CYP4Z1: variants seen among roughly 807,000 people sequenced by gnomAD.
The protein encoded by CYP4Z1 is cytochrome P450 4Z1.
CYP4Z1 carries 41 observed loss-of-function variants against 54.2 expected under a neutral mutation model. The observed-to-expected ratio is 0.76, with a 90% CI of 0.59 to 0.98. The LOEUF (loss-of-function observed/expected upper bound fraction) is 0.98, where lower values mean the gene tolerates loss of function less well. Among genes scored for constraint, CYP4Z1 ranks in the 50% least tolerant of loss-of-function variants. The pLI, the probability that CYP4Z1 is intolerant of heterozygous loss-of-function variation, is 0.00. For synonymous variants in CYP4Z1, 163 were observed against 206.2 expected (o/e 0.79, Z 1.79); for missense variants, 513 against 599.0 (o/e 0.86, Z 1.50).
At chr1:47,110,482 G>A (rs11211453) in intron 9 of CYP4Z1, among the ~76,000 whole-genome samples, 55,530 of 138,314 alleles carry the variant, frequency 0.4, 12,566 homozygotes, top group East Asian at 0.96. Flanking sequence ...ACTTTAGCCT[G>A]GGAGTTTGAG....
intron 6 of CYP4Z1, among the ~76,000 whole-genome samples, chr1:47,093,512 G>A (rs1197818566): frequency 1.3e-5 from 2 of 152,200 alleles, no homozygotes; most frequent in Non-Finnish European, 2.9e-5. Flanking sequence ...TCCTTTAATG[G>A]AGGCAATGTG....
At chr1:47,106,374 C>T (rs4926805) in intron 9 of CYP4Z1, 113 bp downstream of exon 9, 424,030 of 1,208,316 alleles carry the variant, frequency 0.35, 85,053 homozygotes, top group East Asian at 0.97. Flanking sequence ...GAACCTAGGG[C>T]CATTCTTATT....
At chr1:47,088,019 C>A (rs865914910) in intron 6 of CYP4Z1, among the ~76,000 whole-genome samples, 13 of 152,258 alleles carry the variant, frequency 8.5e-5, no homozygotes, top group African/African-American at 3.1e-4. Context: ...GTATGTTGAA[C>A]CAGCCTTGCA....
intron 6 of CYP4Z1, among the ~76,000 whole-genome samples, chr1:47,091,826 A>T (rs1644640228): frequency 6.7e-6 from 1 of 149,812 alleles, no homozygotes; most frequent in South Asian, 2.2e-4. Flanking sequence ...TCTAACTGCA[A>T]CTAAGGTTGA....
At chr1:47,086,376 G>A (rs1224020964) in intron 6 of CYP4Z1, among the ~76,000 whole-genome samples, 1 of 151,970 alleles carries the variant, frequency 6.6e-6, no homozygotes, top group African/African-American at 2.4e-5. Flanking sequence ...ACTTTTTAAT[G>A]ATCGCCTTTC....
intron 11 of CYP4Z1, among the ~76,000 whole-genome samples, chr1:47,117,091 G>A (rs1419776628): frequency 1.3e-5 from 2 of 152,144 alleles, no homozygotes; most frequent in Non-Finnish European, 2.9e-5. Context: ...CCTACAGAGA[G>A]CAATGTTGTT....
chr1:47,118,055 A>T lies in CYP4Z1; in HGVS notation c.*121A>T. On this transcript the variant is annotated 3_prime_UTR_variant, in exon 12 of 12. Transcript: ENST00000334194. Reference sequence around the variant, plus strand: ...TTTGACAAATTATATAACTTAGGATACTTCTGACTGGTTTTGACATCCATT... The same window carrying T: ...TTTGACAAATTATATAACTTAGGATTCTTCTGACTGGTTTTGACATCCATT... The T allele has an allele frequency of 9.7e-7, 1 of 1,035,830 alleles. No individual in the cohort carries two copies. The highest frequency in any genetic ancestry group is 1.3e-6 in the Non-Finnish European group (1 of 752,342). 64.2% of individuals were successfully genotyped at this position (1,035,830 alleles called of 1,614,324 possible). A position where few individuals can be genotyped will look rare whatever the true frequency, so the allele number is the denominator to read the frequency against.
chr1:47,088,097 C>A (rs986596474), intron 6 of CYP4Z1, among the ~76,000 whole-genome samples: 1 of 152,124 alleles, frequency 6.6e-6, no homozygotes, highest in Admixed American at 6.6e-5. Flanking sequence ...TTCCGTTTGC[C>A]AGTATTTTAT....
intron 8 of CYP4Z1, among the ~76,000 whole-genome samples, chr1:47,100,441 G>A (rs1173892047): frequency 2.0e-5 from 3 of 152,162 alleles, no homozygotes; most frequent in African/African-American, 7.2e-5. Flanking sequence ...ATTCTGAGTA[G>A]CATGATGAAA....
At chr1:47,087,133 T>C (rs998154860) in intron 6 of CYP4Z1, among the ~76,000 whole-genome samples, 28 of 152,172 alleles carry the variant, frequency 1.8e-4, no homozygotes, top group Non-Finnish European at 3.7e-4. Context: ...AGTGTGATGC[T>C]TCCAGGTTTG....
At chr1:47,112,893 T>C (rs1644803706) in intron 9 of CYP4Z1, among the ~76,000 whole-genome samples, 1 of 152,088 alleles carries the variant, frequency 6.6e-6, no homozygotes, top group Non-Finnish European at 1.5e-5. Flanking sequence ...GATCAATGGA[T>C]ATTCCATAAC....
At chr1:47,056,146 C>T in the CYP4Z1 span, among the ~76,000 whole-genome samples, 1 of 152,134 alleles carries the variant, frequency 6.6e-6, no homozygotes, top group East Asian at 1.9e-4. Flanking sequence ...TTTCAAAAAA[C>T]ATCTTTATTT....
At chr1:47,101,560 G>C (rs1644721750) in intron 8 of CYP4Z1, among the ~76,000 whole-genome samples, 1 of 151,998 alleles carries the variant, frequency 6.6e-6, no homozygotes, top group Admixed American at 6.5e-5. Flanking sequence ...ACAGTTTCTA[G>C]AGTTCCTCTT....
chr1:47,098,705 A>G (rs1247242963), intron 7 of CYP4Z1, among the ~76,000 whole-genome samples: 1 of 152,202 alleles, frequency 6.6e-6, no homozygotes, highest in African/African-American at 2.4e-5. Flanking sequence ...GTCCCATTTT[A>G]TGGATGGTCC....
At chr1:47,092,037 G>C (rs1644641995) in intron 6 of CYP4Z1, among the ~76,000 whole-genome samples, 1 of 152,028 alleles carries the variant, frequency 6.6e-6, no homozygotes, top group Non-Finnish European at 1.5e-5. Flanking sequence ...CGGCATTTGA[G>C]TCTCAGGACC....
the CYP4Z1 span, among the ~76,000 whole-genome samples, chr1:47,057,449 A>T: frequency 1.5e-5 from 2 of 131,124 alleles, no homozygotes; most frequent in East Asian, 4.2e-4. Flanking sequence ...ATTATTTGAT[A>T]TTGTCCCACA....
intron 7 of CYP4Z1, among the ~76,000 whole-genome samples, chr1:47,095,883 T>C (rs1347437993): frequency 6.6e-6 from 1 of 152,238 alleles, no homozygotes; most frequent in African/African-American, 2.4e-5. Flanking sequence ...TTAATTGTGC[T>C]GAATTATTTG....
In CYP4Z1 at chr1:47,115,577, T is replaced by A; in HGVS notation, c.1250T>A (p.Phe417Tyr). ...TGGGCTCTTCACCACAACCCCTATT[T>A]CTGGGAAGACCCTCAGGTATGATTG... The part of the protein sequence containing the change: ...NIWALHHNPY[F>Y]WEDPQVFNPL... Residue 417 changes from phenylalanine (F) to tyrosine (Y), a missense_variant, in exon 10 of 12, where the codon TTC (phenylalanine) becomes TAC (tyrosine). By Grantham distance (22) the Phe-to-Tyr change is conservative. Transcript: ENST00000334194. 1.2e-6 allele frequency: 2 copies of A among 1,613,686 alleles called. No homozygotes were observed. Among genetic ancestry groups the A allele is most frequent in the Non-Finnish European group, 1.7e-6 (2 of 1,179,772 alleles).
At chr1:47,095,250 C>G (rs1644669205) in intron 7 of CYP4Z1, among the ~76,000 whole-genome samples, 1 of 152,152 alleles carries the variant, frequency 6.6e-6, no homozygotes. Flanking sequence ...GGCCCTACCT[C>G]AGACCTAGTG....
Sources: allele counts gnomAD v4.1 joint callset (sites outside exome capture counted in the v4.1 genomes callset), GRCh38; gene constraint gnomAD v4.1.1; transcripts MANE v1.5; gene names NCBI Gene and HGNC (gene_info 2026-07-23, HGNC 2026-07-21).